ZNF445: variants seen among roughly 807,000 people sequenced by gnomAD.
The protein encoded by ZNF445 is zinc finger protein 445, also known as zinc finger protein 168.
Under a neutral mutation model 93.9 loss-of-function variants are expected in ZNF445, and 19 were observed. The ratio of observed to expected loss-of-function variants is 0.20; its 90% CI spans 0.14 to 0.30. ZNF445 has a LOEUF of 0.30. ZNF445 is among the 10% of genes least tolerant of loss of function. The pLI is 1.00. For missense variants in ZNF445, 1,058 were observed against 1,259.4 expected (o/e 0.84, Z 2.42); for synonymous variants, 449 against 446.3 (o/e 1.01, Z -0.08).
chr3:44,454,697 A>G (rs1050925891), intron 3 of ZNF445, among the ~76,000 whole-genome samples: 1 of 152,132 alleles, frequency 6.6e-6, no homozygotes, highest in African/African-American at 2.4e-5. Context: ...AAGTGCTTAG[A>G]TTACAGGTGT....
At chr3:44,471,777 G>C (rs1330974970) in intron 1 of ZNF445, among the ~76,000 whole-genome samples, 3 of 152,108 alleles carry the variant, frequency 2.0e-5, no homozygotes, top group Non-Finnish European at 4.4e-5. Context: ...GATCACACAT[G>C]CTGAGGAAGC....
rs1032014628 is a variant in ZNF445, at chr3:44,441,499, G to C, written c.*5076C>G. The stretch of plus-strand genomic sequence containing the variant: ...TTTTACCCAGTTCCCTATTCAAGAT[G>C]GAGTCACTCTGGTTCAAACGCCTCT... On this transcript the variant is annotated 3_prime_UTR_variant, in exon 8 of 8. Coordinates refer to ENST00000396077, the MANE Select transcript of ZNF445 (RefSeq NM_181489.6). The C allele has an allele frequency of 1.3e-5, 2 of 152,136 alleles. No individual in the cohort carries two copies. The highest frequency in any genetic ancestry group is 4.8e-5 in the African/African-American group (2 of 41,416). The allele number at this position is 152,136 out of a possible 1,614,324, so 9.4% of individuals were successfully genotyped here.
chr3:44,461,368 C>T (rs796451084), intron 1 of ZNF445, among the ~76,000 whole-genome samples: 2 of 124,762 alleles, frequency 1.6e-5, no homozygotes, highest in Non-Finnish European at 3.5e-5. Context: ...TTTCTCAGAC[C>T]GAGAATAGGA....
Position 44,448,665 on chromosome 3 carries a change from C to T in ZNF445, c.1006G>A (p.Val336Met), listed in dbSNP as rs764593047. The T allele has an allele frequency of 3.7e-6, 6 of 1,614,038 alleles. No homozygotes were observed. In the Admixed American group the frequency reaches 8.3e-5, roughly 22 times the overall value. Residue 336 changes from valine to methionine, a missense_variant, in exon 8 of 8, where the codon GTG (valine) becomes ATG (methionine). Val to Met is a conservative substitution (Grantham distance 21). Around this residue, in one of 3 missense-constraint regions of ZNF445, gnomAD observed 657 missense variants for 746.4 expected, o/e 0.88. Coordinates refer to ENST00000396077, the MANE Select transcript of ZNF445 (RefSeq NM_181489.6). ...CTTGTCGCAGGACATCCTGATGACA[C>T]AGCTAAGGTTTCTGCTTCTTCCAAA... ...EPLEEAETLA[V>M]SSGCPATSVS...
Position 44,435,398 on chromosome 3 carries a change from G to A in ZNF445, c.*11177C>T, listed in dbSNP as rs750092442. The A allele has an allele frequency of 2.6e-5, 4 of 152,294 alleles. No homozygotes were observed. The highest frequency in any genetic ancestry group is 5.9e-5 in the Non-Finnish European group (4 of 68,028). The allele number at this position is 152,294 out of a possible 1,614,324, so 9.4% of individuals were successfully genotyped here. ...CTGCAAACCAGTTGTCAGACGTATCGTTTGCTCAGCACTGAAACCACATGT... is the reference window on the plus strand; with the variant it reads ...CTGCAAACCAGTTGTCAGACGTATCATTTGCTCAGCACTGAAACCACATGT... On this transcript the variant is annotated 3_prime_UTR_variant, in exon 8 of 8. Transcript: ENST00000396077.
chr3:44,452,314 A>G (rs776628872), intron 3 of ZNF445, among the ~76,000 whole-genome samples: 3 of 151,974 alleles, frequency 2.0e-5, no homozygotes, highest in East Asian at 1.9e-4. Flanking sequence ...ACTGACCACA[A>G]TAATTTATCT....
At position 44,437,125 on chromosome 3, in the gene ZNF445, T is replaced by C. The variant is rs1014920212; in HGVS notation, c.*9450A>G. On this transcript the variant is annotated 3_prime_UTR_variant, in exon 8 of 8. Coordinates refer to ENST00000396077, the MANE Select transcript of ZNF445 (RefSeq NM_181489.6). ...AAACAAGGGGTGGATTATTCATGCC[T>C]CCCCTCTCCAGGCCATATAGGGTAA... 1 of 152,170 alleles carries C rather than the reference T, an allele frequency of 6.6e-6. No homozygotes were observed. The highest frequency in any genetic ancestry group is 1.5e-5 in the Non-Finnish European group (1 of 68,028). 9.4% of individuals were successfully genotyped at this position (152,170 alleles called of 1,614,324 possible). A position where few individuals can be genotyped will look rare whatever the true frequency, so the allele number is the denominator to read the frequency against.
In ZNF445 at chr3:44,439,556, GCA is replaced by G. The variant is rs1559386638; in HGVS notation, c.*7017_*7018del. On this transcript the variant is annotated 3_prime_UTR_variant, in exon 8 of 8. Coordinates refer to ENST00000396077, the MANE Select transcript of ZNF445 (RefSeq NM_181489.6). ...CAAAGGCCACAGGGCCCCTCCCTGA[GCA>G]CAGACACTATGTCAGCCCAGCAGTC... 2.0e-5 allele frequency: 3 copies of G among 152,310 alleles called. No individual in the cohort carries two copies. The highest frequency in any genetic ancestry group is 6.5e-5 in the Admixed American group (1 of 15,274). 9.4% of individuals were successfully genotyped at this position (152,310 alleles called of 1,614,324 possible).
chr3:44,453,289 G>GT (rs1160877559), intron 3 of ZNF445, among the ~76,000 whole-genome samples: 56 of 147,748 alleles, frequency 3.8e-4, no homozygotes, highest in Non-Finnish European at 6.5e-4. Context: ...GTCTATATAT[G>GT]TTTTTTTTTT....
In ZNF445 at chr3:44,437,861, C is replaced by T. The variant is rs951866069; in HGVS notation, c.*8714G>A. On this transcript the variant is annotated 3_prime_UTR_variant, in exon 8 of 8. Transcript: ENST00000396077. ...TCTGCACTATAGTCCCTTCTGTGGT[C>T]ACCAGAAATATGTTACAGGAAAGGG... 4.6e-5 allele frequency: 7 copies of T among 152,120 alleles called. No homozygotes were observed. Among genetic ancestry groups the T allele is most frequent in the African/African-American group, 1.7e-4 (7 of 41,396 alleles). The allele number at this position is 152,120 out of a possible 1,614,324, so 9.4% of individuals were successfully genotyped here.
intron 3 of ZNF445, among the ~76,000 whole-genome samples, chr3:44,453,227 C>T (rs1023672722): frequency 1.3e-5 from 2 of 151,138 alleles, no homozygotes; most frequent in Non-Finnish European, 3.0e-5. Flanking sequence ...TTCATTTATA[C>T]ATGAATTATG....
chr3:44,473,421 T>C (rs1197397936), intron 1 of ZNF445, among the ~76,000 whole-genome samples: 66 of 148,638 alleles, frequency 4.4e-4, no homozygotes, highest in Non-Finnish European at 1.8e-4. Context: ...GCCACTGCAC[T>C]CCAGCCTGGG....
Position 44,446,382 on chromosome 3 carries a change from C to T in ZNF445, c.*193G>A. ...AAGGGCTCCAAAGGACATGGTGCTG[C>T]ACTTCCCCAGCGTCACATCCTAGCA... On this transcript the variant is annotated 3_prime_UTR_variant, in exon 8 of 8. Coordinates refer to ENST00000396077, the MANE Select transcript of ZNF445 (RefSeq NM_181489.6). This position sits in a 1 kb window ranked among gnomAD's most constrained non-coding sequence, Gnocchi z 4.2. The T allele has an allele frequency of 1.3e-6, 1 of 745,564 alleles. No homozygotes were observed. Among genetic ancestry groups the T allele is most frequent in the African/African-American group, 1.8e-5 (1 of 56,574 alleles). 46.2% of individuals were successfully genotyped at this position (745,564 alleles called of 1,614,324 possible).
chr3:44,472,851 G>A (rs554580281), intron 1 of ZNF445, among the ~76,000 whole-genome samples: 2 of 152,264 alleles, frequency 1.3e-5, no homozygotes, highest in South Asian at 4.1e-4. Flanking sequence ...TCAGAACTGG[G>A]AAGGAACATG....
At chr3:44,453,447 A>G (rs1044670262) in intron 3 of ZNF445, among the ~76,000 whole-genome samples, 9 of 151,856 alleles carry the variant, frequency 5.9e-5, no homozygotes, top group Non-Finnish European at 1.2e-4. Context: ...GGTGCACACC[A>G]CCACACCCGG....
chr3:44,471,711 G>C (rs73829652), intron 1 of ZNF445, among the ~76,000 whole-genome samples: 2 of 152,162 alleles, frequency 1.3e-5, no homozygotes, highest in South Asian at 4.1e-4. Flanking sequence ...GGATAAAAAA[G>C]AAACTACAGC....
At chr3:44,459,083 A>T (rs2125682022) in intron 1 of ZNF445, among the ~76,000 whole-genome samples, 1 of 152,328 alleles carries the variant, frequency 6.6e-6, no homozygotes, top group Admixed American at 6.5e-5. Flanking sequence ...GGCTTGCAGG[A>T]AAGTGAACAA....
Position 44,433,146 on chromosome 3 carries a change from C to T in ZNF445, c.*13429G>A, listed in dbSNP as rs1156609647. On this transcript the variant is annotated 3_prime_UTR_variant, in exon 8 of 8. Transcript: ENST00000396077. ...TCGTTCTTTTTTTTTTTTTTTCCCGCTCTGTTGTCCAGGCTGGAGTGCAGT... is the reference window on the plus strand; with the variant it reads ...TCGTTCTTTTTTTTTTTTTTTCCCGTTCTGTTGTCCAGGCTGGAGTGCAGT... 2 of 150,248 alleles carry T rather than the reference C, an allele frequency of 1.3e-5. No homozygotes were observed. The highest frequency in any genetic ancestry group is 2.4e-5 in the African/African-American group (1 of 40,834). The allele number at this position is 150,248 out of a possible 1,614,324, so 9.3% of individuals were successfully genotyped here.
In ZNF445 at chr3:44,435,704, T is replaced by C. The variant is rs1325387864; in HGVS notation, c.*10871A>G. On this transcript the variant is annotated 3_prime_UTR_variant, in exon 8 of 8. Coordinates refer to ENST00000396077, the MANE Select transcript of ZNF445 (RefSeq NM_181489.6). ...ATGGATCAGGGAACTAGTGTGGGAT[T>C]CTGCCCATTGTTGACTATGTCTATT... 6.6e-6 allele frequency: 1 copy of C among 152,226 alleles called. No homozygotes were observed. The highest frequency in any genetic ancestry group is 1.5e-5 in the Non-Finnish European group (1 of 68,054). The allele number at this position is 152,226 out of a possible 1,614,324, so 9.4% of individuals were successfully genotyped here. A position where few individuals can be genotyped will look rare whatever the true frequency, so the allele number is the denominator to read the frequency against.
Sources: allele counts gnomAD v4.1 joint callset (sites outside exome capture counted in the v4.1 genomes callset), GRCh38; gene constraint gnomAD v4.1.1; regional missense constraint gnomAD v4.1.1; non-coding constraint Gnocchi (gnomAD v3.1); transcripts MANE v1.5; gene names NCBI Gene and HGNC (gene_info 2026-07-23, HGNC 2026-07-21).